The following MTNR1B variants were observed in gnomAD, a reference collection of about 807,000 sequenced individuals.
MTNR1B encodes melatonin receptor type 1B.
Under a neutral mutation model 7.0 loss-of-function variants are expected in MTNR1B, and 7 were observed. That is an observed-to-expected ratio of 1.00 (90% CI 0.57 to 1.88). MTNR1B has a LOEUF of 1.88. MTNR1B is among the 40% of genes most tolerant of loss of function. The probability of loss-of-function intolerance (pLI) is 0.00; values close to 1 mark genes in which losing one functional copy is unlikely to be tolerated. For missense variants in MTNR1B, 478 were observed against 486.5 expected (o/e 0.98, Z 0.16); for synonymous variants, 226 against 208.2 (o/e 1.09, Z -0.74).
chr11:92,976,375 A>G (rs1301085023), intron 1 of MTNR1B, among the ~76,000 whole-genome samples: 1 of 152,192 alleles, frequency 6.6e-6, no homozygotes, highest in Non-Finnish European at 1.5e-5. Context: ...CTTATCTCAC[A>G]GGGATCCCAG....
At chr11:92,980,364 G>A (rs1382337810) in intron 1 of MTNR1B, among the ~76,000 whole-genome samples, 4 of 152,218 alleles carry the variant, frequency 2.6e-5, no homozygotes, top group Admixed American at 6.5e-5. Flanking sequence ...ACAACACTTG[G>A]TGAATGAGAA....
chr11:92,984,960 A>T (rs1565182176), downstream of MTNR1B: 1 of 455,746 alleles, frequency 2.2e-6, no homozygotes, highest in Non-Finnish European at 4.4e-6. Flanking sequence ...AATTTGGGGA[A>T]GCCTGTCTTC....
In MTNR1B at chr11:92,982,056, C is replaced by T. The variant is rs1349971000; in HGVS notation, c.833C>T (p.Pro278Leu). 1 of 1,614,126 alleles carries T rather than the reference C, an allele frequency of 6.2e-7. No homozygotes were observed. The highest frequency in any genetic ancestry group is 2.2e-5 in the East Asian group (1 of 44,886). ...ATCGGCCTCGCTGTGGCCATCAACCCCCAAGAAATGGCTCCCCAGATCCCT... is the reference window on the plus strand; with the variant it reads ...ATCGGCCTCGCTGTGGCCATCAACCTCCAAGAAATGGCTCCCCAGATCCCT... ...NCIGLAVAIN[P>L]QEMAPQIPEG... The change falls in exon 2 of 2, where the codon CCC (proline) becomes CTC (leucine). Residue 278 changes from proline to leucine, a missense_variant. Transcript: ENST00000257068.
chr11:92,972,393 A>G (rs1857943817), intron 1 of MTNR1B: 1 of 456,110 alleles, frequency 2.2e-6, no homozygotes, highest in Non-Finnish European at 4.4e-6. Context: ...GCAGATCTGT[A>G]TCATTCCTAA....
chr11:92,976,373 A>G lies in MTNR1B; in HGVS notation c.224-5074A>G, dbSNP rs1362383170. Among the ~76,000 whole-genome samples the G allele has an allele frequency of 2.0e-5, 3 of 152,282 alleles. No individual in the cohort carries two copies. In the East Asian group the frequency reaches 5.8e-4, roughly 29 times the overall value. On this transcript the variant is annotated intron_variant, in intron 1 of 1. Transcript: ENST00000257068. ...CTTACTACTTCTCACATCTTATCTC[A>G]CAGGGATCCCAGTCCAACCTTATGA...
chr11:92,982,307 C>A lies in MTNR1B; in HGVS notation c.1084C>A (p.Leu362Ile). ...IIGVQHQADA[L>I] ...TGGTGTGCAGCACCAGGCAGATGCT[C>A]TCTAGCCTGGATCTGAGGCACACCA... The change falls in exon 2 of 2, where the codon CTC becomes ATC. Residue 362 changes from leucine (L) to isoleucine (I), a missense_variant. Leu to Ile is a conservative substitution (Grantham distance 5). Transcript: ENST00000257068. 1 of 1,608,566 alleles carries A rather than the reference C, an allele frequency of 6.2e-7. No individual in the cohort carries two copies. Among genetic ancestry groups the A allele is most frequent in the Non-Finnish European group, 8.5e-7 (1 of 1,178,106 alleles).
intron 1 of MTNR1B, among the ~76,000 whole-genome samples, chr11:92,978,624 T>TA (rs1247790073): frequency 2.0e-5 from 3 of 152,218 alleles, no homozygotes; most frequent in Admixed American, 6.5e-5. Flanking sequence ...ACACAAATTT[T>TA]ATTCATCTAA....
chr11:92,978,348 A>T (rs1161106770), intron 1 of MTNR1B, among the ~76,000 whole-genome samples: 3 of 152,238 alleles, frequency 2.0e-5, no homozygotes, highest in South Asian at 4.1e-4. Context: ...CGCTCTGCGT[A>T]TGAATCCTGA....
chr11:92,973,209 A>G (rs1447498761), intron 1 of MTNR1B, among the ~76,000 whole-genome samples: 1 of 151,976 alleles, frequency 6.6e-6, no homozygotes, highest in Non-Finnish European at 1.5e-5. Flanking sequence ...TTCATTCCAC[A>G]TGTCCTAATG....
chr11:92,977,156 C>T (rs1858021990), intron 1 of MTNR1B, among the ~76,000 whole-genome samples: 1 of 152,084 alleles, frequency 6.6e-6, no homozygotes, highest in African/African-American at 2.4e-5. Context: ...TGAAATACCC[C>T]CATATATATC....
chr11:92,972,685 T>C (rs1857951133), intron 1 of MTNR1B: 1 of 374,008 alleles, frequency 2.7e-6, no homozygotes, highest in Admixed American at 3.2e-5. Context: ...AGATTGTGCT[T>C]CCCAGGGACT....
intron 1 of MTNR1B, among the ~76,000 whole-genome samples, chr11:92,976,780 A>ATAT (rs1858014414): frequency 6.6e-6 from 1 of 152,172 alleles, no homozygotes; most frequent in Admixed American, 6.5e-5. Flanking sequence ...AATTCCCTTG[A>ATAT]TATTTCTTTT....
chr11:92,970,004 T>C (rs1857900054), intron 1 of MTNR1B, 56 bp downstream of exon 1: 2 of 1,468,732 alleles, frequency 1.4e-6, no homozygotes, highest in Non-Finnish European at 1.8e-6. Context: ...TGTCTTCTGA[T>C]CTTGTCCCTG....
At position 92,978,901 on chromosome 11, in the gene MTNR1B, C is replaced by T. The variant is rs548450516; in HGVS notation, c.224-2546C>T. 1.2e-4 allele frequency among the ~76,000 whole-genome samples: 19 copies of T among 152,276 alleles called. No homozygotes were observed. In the East Asian group the frequency reaches 2.9e-3, roughly 23 times the overall value. On this transcript the variant is annotated intron_variant, in intron 1 of 1. Transcript: ENST00000257068. ...GGGAAACAGCTGGCAGAGCTGGCAC[C>T]GGCTCCCAGCAGCTCTTGACTTTCT...
intron 1 of MTNR1B, among the ~76,000 whole-genome samples, chr11:92,978,981 G>A (rs552414018): frequency 3.9e-5 from 6 of 152,244 alleles, no homozygotes; most frequent in East Asian, 3.9e-4. Flanking sequence ...GGTGCCCAGC[G>A]GGTCCTATGG....
rs529803328 is a variant in MTNR1B, at chr11:92,978,829, A to T, written c.224-2618A>T. 3.9e-5 allele frequency among the ~76,000 whole-genome samples: 6 copies of T among 152,290 alleles called. No individual in the cohort carries two copies. In the South Asian group the frequency reaches 1.2e-3, roughly 32 times the overall value. Reference sequence around the variant, plus strand: ...GTTTGCCAGCCTCTGGGGCATTATTAGGGGATAAGCCACATTAACACAGCA... The same window carrying T: ...GTTTGCCAGCCTCTGGGGCATTATTTGGGGATAAGCCACATTAACACAGCA... On this transcript the variant is annotated intron_variant, in intron 1 of 1. Coordinates refer to ENST00000257068, the MANE Select transcript of MTNR1B (RefSeq NM_005959.5).
In MTNR1B at chr11:92,981,636, G is replaced by T. The variant is rs192957400; in HGVS notation, c.413G>T (p.Arg138Leu). The T allele has an allele frequency of 6.2e-6, 10 of 1,614,008 alleles. No homozygotes were observed. The highest frequency in any genetic ancestry group is 4.2e-6 in the Non-Finnish European group (5 of 1,180,050). Residue 138 changes from arginine to leucine, a missense_variant, in exon 2 of 2, where the codon CGC (arginine) becomes CTC (leucine). Arg to Leu is a moderately radical substitution (Grantham distance 102). Coordinates refer to ENST00000257068, the MANE Select transcript of MTNR1B (RefSeq NM_005959.5). ...VFNITAIAIN[R>L]YCYICHSMAY... is the part of the protein sequence containing the mutation. ...AATATCACTGCCATCGCCATTAACC[G>T]CTACTGCTACATCTGCCACAGCATG...
At chr11:92,981,306 T>A in intron 1 of MTNR1B, 141 bp from the exon 2 acceptor site, 1 of 1,195,244 alleles carries the variant, frequency 8.4e-7, no homozygotes, top group South Asian at 1.5e-5. Context: ...AGAAATGCAA[T>A]CTGAGTCTTC....
chr11:92,981,991 G>A lies in MTNR1B; in HGVS notation c.768G>A (p.Val256=), dbSNP rs539020554. ...DLRSFLTMFV[V]FVIFAICWAP... is the part of the protein sequence containing the mutation. ...GGAGCTTTCTAACCATGTTTGTGGTGTTTGTGATCTTTGCCATCTGCTGGG... is the reference window on the plus strand; with the variant it reads ...GGAGCTTTCTAACCATGTTTGTGGTATTTGTGATCTTTGCCATCTGCTGGG... The change falls in exon 2 of 2, where the codon GTG becomes GTA. Residue 256 remains valine (V), a synonymous_variant. Transcript: ENST00000257068. 1.3e-5 allele frequency: 21 copies of A among 1,614,240 alleles called. No homozygotes were observed. The East Asian group carries it at 3.1e-4, about 24-fold the overall frequency.
Sources: gnomAD v4.1 joint callset for allele counts (sites outside exome capture counted in the v4.1 genomes callset) on GRCh38, gnomAD v4.1.1 for gene constraint, MANE v1.5 for transcripts, NCBI Gene and HGNC (gene_info 2026-07-23, HGNC 2026-07-21) for gene names.